SHLD1: variants seen among roughly 807,000 people sequenced by gnomAD.
SHLD1 encodes the protein shieldin complex subunit 1, also known as RINN1-REV7-interacting novel NHEJ regulator 3.
A neutral mutation model predicts 5.5 loss-of-function variants in SHLD1; 3 were observed. That is an observed-to-expected ratio of 0.54 (90% CI 0.25 to 1.40). The LOEUF (loss-of-function observed/expected upper bound fraction) is 1.40, where lower values mean the gene tolerates loss of function less well. SHLD1 is among the 40% of genes most tolerant of loss of function. The pLI is 0.15. For synonymous variants in SHLD1, 92 were observed against 94.3 expected, an observed-to-expected ratio of 0.98 and a Z score of 0.14; for missense variants, 210 against 244.4, an observed-to-expected ratio of 0.86 and a Z score of 0.94.
chr20:5,781,959 C>A (rs868857763), intron 2 of SHLD1, among the ~76,000 whole-genome samples: 4 of 152,194 alleles, frequency 2.6e-5, no homozygotes, highest in South Asian at 2.1e-4. Flanking sequence ...TGAATAGAGG[C>A]CCCTGCTGCT....
At chr20:5,813,926 C>T (rs2087492673) in intron 2 of SHLD1, among the ~76,000 whole-genome samples, 1 of 149,692 alleles carries the variant, frequency 6.7e-6, no homozygotes, top group African/African-American at 2.5e-5. Context: ...TTTTCTCAAA[C>T]ACCTTTTTCC....
chr20:5,809,247 A>G, intron 2 of SHLD1, among the ~76,000 whole-genome samples: 1 of 152,082 alleles, frequency 6.6e-6, no homozygotes, highest in African/African-American at 2.4e-5. Context: ...AAAAATAAGA[A>G]ACTCATTTTA....
At chr20:5,852,480 A>G (rs1018756828) in intron 2 of SHLD1, among the ~76,000 whole-genome samples, 1 of 147,298 alleles carries the variant, frequency 6.8e-6, no homozygotes, top group African/African-American at 2.6e-5. Context: ...TTCTTTTGAG[A>G]CAGAGTATTG....
intron 2 of SHLD1, among the ~76,000 whole-genome samples, chr20:5,793,001 A>G (rs762199506): frequency 2.6e-5 from 4 of 152,136 alleles, no homozygotes; most frequent in Non-Finnish European, 5.9e-5. Context: ...GCATGTGGAT[A>G]TGCTGTTTTC....
At chr20:5,757,071 C>CTTT (rs753877287) in intron 1 of SHLD1, among the ~76,000 whole-genome samples, 38 of 123,204 alleles carry the variant, frequency 3.1e-4, no homozygotes, top group African/African-American at 4.0e-4. Context: ...TTCTTTCTTT[C>CTTT]TTTTTTTTTT....
At chr20:5,787,990 A>C (rs2087083635) in intron 2 of SHLD1, among the ~76,000 whole-genome samples, 1 of 152,186 alleles carries the variant, frequency 6.6e-6, no homozygotes, top group African/African-American at 2.4e-5. Context: ...AGCTGTAAGG[A>C]GATATAGTGC....
At chr20:5,770,695 G>A (rs1048529488) in intron 1 of SHLD1, among the ~76,000 whole-genome samples, 2 of 152,200 alleles carry the variant, frequency 1.3e-5, no homozygotes, top group Non-Finnish European at 2.9e-5. Context: ...CAGCAATAGT[G>A]AATGATTTCC....
chr20:5,763,951 A>AT (rs1984624689), intron 1 of SHLD1, among the ~76,000 whole-genome samples: 1 of 145,040 alleles, frequency 6.9e-6, no homozygotes, highest in Non-Finnish European at 1.5e-5. Context: ...TTTACTAAAA[A>AT]AAAAAAAAAA....
intron 2 of SHLD1, among the ~76,000 whole-genome samples, chr20:5,776,283 ACAGCTC>A (rs1421309247): frequency 3.3e-5 from 5 of 152,072 alleles, no homozygotes; most frequent in Non-Finnish European, 5.9e-5. Context: ...GTGGCTTCTC[ACAGCTC>A]CAGAGGCTGG....
At chr20:5,760,996 G>A (rs1479713362) in intron 1 of SHLD1, among the ~76,000 whole-genome samples, 1 of 152,020 alleles carries the variant, frequency 6.6e-6, no homozygotes, top group Admixed American at 6.6e-5. Flanking sequence ...GACAAAATGG[G>A]GAGGGGGAGG....
intron 1 of SHLD1, among the ~76,000 whole-genome samples, chr20:5,759,559 G>A (rs1486263631): frequency 6.6e-6 from 1 of 151,806 alleles, no homozygotes; most frequent in Non-Finnish European, 1.5e-5. Flanking sequence ...TTTTAGACAG[G>A]GTCTAGCTCT....
At chr20:5,770,137 G>A (rs1371991820) in intron 1 of SHLD1, among the ~76,000 whole-genome samples, 4 of 152,112 alleles carry the variant, frequency 2.6e-5, no homozygotes, top group Non-Finnish European at 5.9e-5. Context: ...TCTGCTTCAG[G>A]CAATACTGGA....
At chr20:5,776,392 T>C (rs1305992674) in intron 2 of SHLD1, among the ~76,000 whole-genome samples, 3 of 152,178 alleles carry the variant, frequency 2.0e-5, no homozygotes, top group Non-Finnish European at 2.9e-5. Context: ...TGTCCTCATA[T>C]GGCCTAGAGA....
At chr20:5,765,376 G>C (rs1286164651) in intron 1 of SHLD1, among the ~76,000 whole-genome samples, 1 of 152,052 alleles carries the variant, frequency 6.6e-6, no homozygotes, top group East Asian at 1.9e-4. Flanking sequence ...CTACTGAGTA[G>C]CTGGGACTAC....
intron 2 of SHLD1, among the ~76,000 whole-genome samples, chr20:5,780,716 T>A (rs1305021805): frequency 6.6e-6 from 1 of 152,178 alleles, no homozygotes; most frequent in African/African-American, 2.4e-5. Flanking sequence ...CAGCCAGGCT[T>A]TTTGAAGGGG....
intron 2 of SHLD1, among the ~76,000 whole-genome samples, chr20:5,804,790 G>C (rs1312017421): frequency 6.6e-6 from 1 of 152,200 alleles, no homozygotes; most frequent in African/African-American, 2.4e-5. Context: ...TTGAAAACTT[G>C]AAGTGTTTGA....
rs760035550 is a variant in SHLD1, at chr20:5,834,026, TC to T, written c.179-28995del. ...ACTTCAAGTGGTATTTACATTTGAT[TC>T]CCTTCAGCTTTGTGACCCTTAGGAT... On this transcript the variant is annotated intron_variant, in intron 2 of 2. Transcript: ENST00000303142. Among the ~76,000 whole-genome samples, 27 of 152,342 alleles carry T rather than the reference TC, an allele frequency of 1.8e-4. No individual in the cohort carries two copies. The South Asian group carries it at 5.4e-3, about 30-fold the overall frequency.
chr20:5,852,315 A>G (rs2088021208), intron 2 of SHLD1, among the ~76,000 whole-genome samples: 1 of 152,320 alleles, frequency 6.6e-6, no homozygotes, highest in Middle Eastern at 3.4e-3. Flanking sequence ...TCAAGTGCCC[A>G]GTGCTACATA....
intron 2 of SHLD1, among the ~76,000 whole-genome samples, chr20:5,801,187 C>T (rs1049244854): frequency 3.3e-5 from 5 of 151,974 alleles, no homozygotes; most frequent in Non-Finnish European, 5.9e-5. Flanking sequence ...AAGCCATTCT[C>T]CTGCCTCAGC....
Sources: gnomAD v4.1 joint callset for allele counts (sites outside exome capture counted in the v4.1 genomes callset) on GRCh38, gnomAD v4.1.1 for gene constraint, MANE v1.5 for transcripts, NCBI Gene and HGNC (gene_info 2026-07-23, HGNC 2026-07-21) for gene names.